The following ZNRF3 variants were observed in gnomAD, a reference collection of about 807,000 sequenced individuals.
ZNRF3 encodes zinc and ring finger 3, also known as E3 ubiquitin-protein ligase ZNRF3.
In ZNRF3, 23 loss-of-function variants were observed where a neutral mutation model predicts 72.5. That is an observed-to-expected ratio of 0.32 (90% confidence interval 0.23 to 0.45). ZNRF3 has a LOEUF of 0.45. ZNRF3 is among the 20% of genes least tolerant of loss of function. The pLI is 1.00. For missense variants in ZNRF3, 1,169 were observed against 1,272.1 expected (o/e 0.92, Z 1.23); for synonymous variants, 610 against 545.3 (o/e 1.12, Z -1.65).
At chr22:29,028,322 C>T (rs555192464) in intron 2 of ZNRF3, among the ~76,000 whole-genome samples, 1 of 152,170 alleles carries the variant, frequency 6.6e-6, no homozygotes, top group South Asian at 2.1e-4. Flanking sequence ...AGATGTGATG[C>T]AATGAGTGTG....
intron 2 of ZNRF3, among the ~76,000 whole-genome samples, chr22:29,020,278 C>T (rs62236877): frequency 1.6e-5 from 2 of 125,522 alleles, no homozygotes; most frequent in African/African-American, 6.8e-5. Flanking sequence ...TTTTTTCCCC[C>T]AAGACAGAGT....
rs774363606 is a variant in ZNRF3 at position 29,050,080 on chromosome 22, C to T, written c.1899C>T (p.Leu633=). ...CFEGSPPPEE[L]PAVHSHGAGR... ...AGGGCTCCCCGCCTCCCGAGGAGCT[C>T]CCGGCGGTGCACAGTCATGGTGCTG... is the stretch of plus-strand genomic sequence containing the variant. Residue 633 remains leucine (L), a synonymous_variant, in exon 8 of 9, where the codon CTC becomes CTT. Transcript: ENST00000544604. 2.5e-6 allele frequency: 4 copies of T among 1,607,688 alleles called. No homozygotes were observed. In the African/African-American group the frequency reaches 5.3e-5, roughly 21 times the overall value.
intron 1 of ZNRF3, among the ~76,000 whole-genome samples, chr22:28,967,866 CA>C (rs1288240342): frequency 2.0e-5 from 3 of 147,468 alleles, no homozygotes; most frequent in African/African-American, 5.0e-5. Context: ...GTTGAGGCTA[CA>C]GTGAGCTGAG....
chr22:28,911,820 TAGTG>T (rs1292157631), intron 1 of ZNRF3, among the ~76,000 whole-genome samples: 2 of 152,162 alleles, frequency 1.3e-5, no homozygotes, highest in Admixed American at 6.5e-5. Flanking sequence ...AGAAGGGAGA[TAGTG>T]AGTGTGCTCT....
At chr22:28,915,210 A>G (rs1377899525) in intron 1 of ZNRF3, among the ~76,000 whole-genome samples, 1 of 152,226 alleles carries the variant, frequency 6.6e-6, no homozygotes, top group Non-Finnish European at 1.5e-5. Flanking sequence ...TCCAGAATCA[A>G]GGTGATCAGG....
chr22:28,967,005 G>A (rs974691218), intron 1 of ZNRF3, among the ~76,000 whole-genome samples: 6 of 150,266 alleles, frequency 4.0e-5, no homozygotes, highest in South Asian at 2.2e-4. Context: ...TCAGCCTCCT[G>A]AGTAGCTGGG....
chr22:28,985,899 C>CT (rs1484973681), intron 1 of ZNRF3, among the ~76,000 whole-genome samples: 11 of 152,192 alleles, frequency 7.2e-5, no homozygotes, highest in Admixed American at 7.2e-4. Context: ...TTTCTGGAAG[C>CT]TTGAGGGGAG....
intron 1 of ZNRF3, among the ~76,000 whole-genome samples, chr22:28,960,796 T>C (rs2035344685): frequency 6.6e-6 from 1 of 152,100 alleles, no homozygotes. Flanking sequence ...TTACTTCCTC[T>C]TGGAGGGATC....
rs183804267 is a variant in ZNRF3, at chr22:28,954,142, G to A, written c.301-32934G>A. On this transcript the variant is annotated intron_variant, in intron 1 of 8. Transcript: ENST00000544604. ...TCTGCCATATCTGCGTGCCAGCTGT[G>A]TAGTCATTGTCTTGGTCAGCACAGG... Among the ~76,000 whole-genome samples the A allele has an allele frequency of 2.4e-3, 372 of 152,214 alleles. 1 individual carries two copies. The highest frequency in any genetic ancestry group is 7.9e-3 in the African/African-American group (326 of 41,522).
chr22:29,047,524 A>C (rs2037098287), intron 6 of ZNRF3, among the ~76,000 whole-genome samples: 1 of 152,232 alleles, frequency 6.6e-6, no homozygotes, highest in Non-Finnish European at 1.5e-5. Context: ...AGATTCTTAC[A>C]CAGACTCTGG....
intron 1 of ZNRF3, among the ~76,000 whole-genome samples, chr22:28,886,936 A>G (rs901814566): frequency 2.0e-5 from 3 of 152,102 alleles, no homozygotes; most frequent in African/African-American, 7.3e-5. Flanking sequence ...AGCCTGGACA[A>G]CAGAGCGAGA....
intron 1 of ZNRF3, among the ~76,000 whole-genome samples, chr22:28,941,510 T>C (rs747874805): frequency 2.6e-5 from 4 of 152,228 alleles, no homozygotes; most frequent in Non-Finnish European, 5.9e-5. Flanking sequence ...AGGACAAATA[T>C]AGATAAAATC....
At chr22:28,937,210 TATA>T (rs1253210349) in intron 1 of ZNRF3, among the ~76,000 whole-genome samples, 63 of 2,820 alleles carry the variant, frequency 0.022, no homozygotes, top group Non-Finnish European at 0.052. Flanking sequence ...TATATATATA[TATA>T]TATTTTTTTT....
intron 2 of ZNRF3, among the ~76,000 whole-genome samples, chr22:29,020,809 GTGTT>G (rs1016547771): frequency 2.0e-5 from 3 of 149,430 alleles, no homozygotes; most frequent in Admixed American, 1.3e-4. Context: ...GTGTGTGTGT[GTGTT>G]TGAGACAGAG....
chr22:28,898,603 G>A (rs1035055866), intron 1 of ZNRF3, among the ~76,000 whole-genome samples: 1 of 152,238 alleles, frequency 6.6e-6, no homozygotes, highest in Non-Finnish European at 1.5e-5. Context: ...CGTAGTAGAA[G>A]TTCTATGTAG....
chr22:28,999,990 T>C (rs1346511824), intron 2 of ZNRF3, among the ~76,000 whole-genome samples: 36 of 152,238 alleles, frequency 2.4e-4, no homozygotes. Context: ...AAGCACCATA[T>C]TTTATTTGAT....
Position 29,010,788 on chromosome 22 carries a change from A to C in ZNRF3, c.426+23587A>C, listed in dbSNP as rs376920205. Among the ~76,000 whole-genome samples the C allele has an allele frequency of 7.2e-5, 11 of 152,000 alleles. No homozygotes were observed. In the East Asian group the frequency reaches 1.4e-3, roughly 19 times the overall value. On this transcript the variant is annotated intron_variant, in intron 2 of 8. Transcript: ENST00000544604. ...AGGTTCAAGCAGTTCTTGTGCTTCA[A>C]CCTCCCAAGTAGCTGGGATTACAGG... is the stretch of plus-strand genomic sequence containing the variant.
At chr22:28,937,201 ATATATATATATATATTTTTTTTTTTTT>A (rs1177707188) in intron 1 of ZNRF3, among the ~76,000 whole-genome samples, 6 of 4,394 alleles carry the variant, frequency 1.4e-3, no homozygotes, top group South Asian at 5.1e-3. Flanking sequence ...ATATATATAT[ATATATATATATATATTTTTTTTTTTTT>A]TTTTTTTTTT....
chr22:29,012,424 T>G (rs188539374), intron 2 of ZNRF3, among the ~76,000 whole-genome samples: 220 of 152,344 alleles, frequency 1.4e-3, no homozygotes, highest in African/African-American at 4.8e-3. Flanking sequence ...TTGTTGTGGG[T>G]GCACCATTGA....
Sources: allele counts gnomAD v4.1 joint callset (sites outside exome capture counted in the v4.1 genomes callset), GRCh38; gene constraint gnomAD v4.1.1; transcripts MANE v1.5; gene names NCBI Gene and HGNC (gene_info 2026-07-23, HGNC 2026-07-21).